MKLN1: variants seen among roughly 807,000 people sequenced by gnomAD.
The protein encoded by MKLN1 is muskelin.
Under a neutral mutation model 99.0 loss-of-function variants are expected in MKLN1, and 18 were observed. The ratio of observed to expected loss-of-function variants is 0.18; its 90% CI spans 0.13 to 0.27. The LOEUF is 0.27. MKLN1 is among the 10% of genes least tolerant of loss of function. MKLN1 has a pLI of 1.00. For synonymous variants in MKLN1, 288 were observed against 293.2 expected, an observed-to-expected ratio of 0.98 and a Z score of 0.18; for missense variants, 621 against 875.9, an observed-to-expected ratio of 0.71 and a Z score of 3.67.
At chr7:131,320,438 T>G (rs929903806) in intron 3 of MKLN1, among the ~76,000 whole-genome samples, 3 of 152,094 alleles carry the variant, frequency 2.0e-5, no homozygotes, top group African/African-American at 7.2e-5. Flanking sequence ...TCAAGATAGA[T>G]TAAAGACTTA....
At chr7:131,360,760 A>C (rs999685913) in intron 1 of MKLN1, among the ~76,000 whole-genome samples, 2 of 152,128 alleles carry the variant, frequency 1.3e-5, no homozygotes, top group Non-Finnish European at 2.9e-5. Context: ...TTCTTTATGT[A>C]CATCAATGTT....
intron 1 of MKLN1, among the ~76,000 whole-genome samples, chr7:131,354,900 T>C (rs1362426358): frequency 2.0e-5 from 3 of 152,136 alleles, no homozygotes; most frequent in Admixed American, 1.3e-4. Flanking sequence ...TATGATGCTA[T>C]CTTGATCATT....
intron 3 of MKLN1, among the ~76,000 whole-genome samples, chr7:131,281,224 A>G (rs902008514): frequency 2.2e-5 from 3 of 133,764 alleles, no homozygotes; most frequent in Non-Finnish European, 3.2e-5. Flanking sequence ...TTTTTTTTGT[A>G]TAGTGTTGAG....
At chr7:131,421,871 G>T (rs74372173) in intron 8 of MKLN1, among the ~76,000 whole-genome samples, 13 of 152,044 alleles carry the variant, frequency 8.6e-5, no homozygotes, top group Non-Finnish European at 1.5e-4. Context: ...TGTTATTTTG[G>T]TATATTTGTT....
At chr7:131,460,614 A>G (rs945200558) in intron 12 of MKLN1, among the ~76,000 whole-genome samples, 1 of 152,134 alleles carries the variant, frequency 6.6e-6, no homozygotes, top group Admixed American at 6.5e-5. Flanking sequence ...CTCACAATCT[A>G]CTTCTTCTCT....
chr7:131,154,174 C>T (rs2116293899), intron 2 of MKLN1, among the ~76,000 whole-genome samples: 1 of 152,154 alleles, frequency 6.6e-6, no homozygotes, highest in South Asian at 2.1e-4. Context: ...GGAGGATTCA[C>T]ATCACAAAAT....
At chr7:131,467,506 A>G (rs1414386416) in intron 15 of MKLN1, among the ~76,000 whole-genome samples, 2 of 152,170 alleles carry the variant, frequency 1.3e-5, no homozygotes, top group Non-Finnish European at 2.9e-5. Context: ...AAGGGACAAA[A>G]GGGACTGAAT....
Position 131,400,581 on chromosome 7 carries a change from C to T in MKLN1, c.703+1148C>T, listed in dbSNP as rs907888965. 2.9e-4 allele frequency among the ~76,000 whole-genome samples: 42 copies of T among 147,104 alleles called. 1 individual carries two copies. Among genetic ancestry groups the T allele is most frequent in the Admixed American group, 2.6e-3 (38 of 14,816 alleles). The stretch of plus-strand genomic sequence containing the variant: ...GAATTCTGTGGGTTTTTTTTAACCT[C>T]ATAAGATGAGGGAGGCATAGGTAAT... On this transcript the variant is annotated intron_variant, in intron 6 of 17. Coordinates refer to ENST00000352689, the MANE Select transcript of MKLN1 (RefSeq NM_013255.5).
chr7:131,317,669 T>A (rs1216666125), intron 3 of MKLN1, among the ~76,000 whole-genome samples: 1 of 146,918 alleles, frequency 6.8e-6, no homozygotes, highest in Non-Finnish European at 1.5e-5. Context: ...GCAAATTGGA[T>A]AGAGTCAAGA....
chr7:131,147,531 G>C (rs914487468), intron 2 of MKLN1, among the ~76,000 whole-genome samples: 3 of 152,110 alleles, frequency 2.0e-5, no homozygotes, highest in Non-Finnish European at 2.9e-5. Context: ...TGCCCACATT[G>C]ATTGAGTGTT....
intron 2 of MKLN1, among the ~76,000 whole-genome samples, chr7:131,384,604 A>G (rs1209621075): frequency 6.6e-6 from 1 of 152,196 alleles, no homozygotes; most frequent in Non-Finnish European, 1.5e-5. Flanking sequence ...TTTTAAAGCC[A>G]TCGATTTGTT....
intron 2 of MKLN1, among the ~76,000 whole-genome samples, chr7:131,186,354 A>T (rs1421931149): frequency 6.6e-6 from 1 of 152,122 alleles, no homozygotes; most frequent in Non-Finnish European, 1.5e-5. Context: ...AAATAATTTT[A>T]AAAATGAGCT....
At chr7:131,162,988 T>G (rs944390113) in intron 2 of MKLN1, among the ~76,000 whole-genome samples, 6 of 152,240 alleles carry the variant, frequency 3.9e-5, no homozygotes, top group Non-Finnish European at 8.8e-5. Flanking sequence ...AGACAAGTCC[T>G]CACAGTTATC....
intron 1 of MKLN1, among the ~76,000 whole-genome samples, chr7:131,333,018 G>A (rs1799124948): frequency 6.6e-6 from 1 of 152,042 alleles, no homozygotes; most frequent in African/African-American, 2.4e-5. Flanking sequence ...CTGCCTCCTG[G>A]CTTCAAGCAA....
chr7:131,269,585 A>G (rs929709114), intron 3 of MKLN1, among the ~76,000 whole-genome samples: 1 of 152,252 alleles, frequency 6.6e-6, no homozygotes, highest in Non-Finnish European at 1.5e-5. Flanking sequence ...ATATGTCTTC[A>G]TAAAATATTT....
chr7:131,355,552 A>T (rs1263019779), intron 1 of MKLN1, among the ~76,000 whole-genome samples: 3 of 150,668 alleles, frequency 2.0e-5, no homozygotes, highest in African/African-American at 4.9e-5. Context: ...TTGTAATTAG[A>T]GGTCTTCTCT....
chr7:131,378,287 T>G (rs1487923937), intron 2 of MKLN1, among the ~76,000 whole-genome samples: 1 of 152,126 alleles, frequency 6.6e-6, no homozygotes, highest in Non-Finnish European at 1.5e-5. Context: ...AATTTTTGTA[T>G]TTTTAGTAGA....
intron 2 of MKLN1, among the ~76,000 whole-genome samples, chr7:131,194,575 G>C (rs1796614874): frequency 1.3e-5 from 2 of 152,172 alleles, no homozygotes. Context: ...CTTACGGCCA[G>C]AGAATAACCT....
intron 1 of MKLN1, among the ~76,000 whole-genome samples, chr7:131,328,646 A>C (rs557205175): frequency 8.5e-5 from 13 of 152,222 alleles, no homozygotes; most frequent in Non-Finnish European, 1.6e-4. Flanking sequence ...ACGTTACCGA[A>C]GAATTTCAGT....
Sources: allele counts gnomAD v4.1 joint callset (sites outside exome capture counted in the v4.1 genomes callset), GRCh38; gene constraint gnomAD v4.1.1; transcripts MANE v1.5; gene names NCBI Gene and HGNC (gene_info 2026-07-23, HGNC 2026-07-21).